Variants in NLGN4X observed in about 807,000 individuals in gnomAD.
NLGN4X encodes the protein neuroligin 4 X-linked, also known as neuroligin-4, X-linked.
NLGN4X carries 3 observed loss-of-function variants against 40.3 expected under a neutral mutation model. That is an observed-to-expected ratio of 0.07 (90% CI 0.03 to 0.19). The LOEUF is 0.19. NLGN4X is among the 10% of genes least tolerant of loss of function. The pLI is 1.00. For missense variants in NLGN4X, 382 were observed against 708.3 expected, an observed-to-expected ratio of 0.54 and a Z score of 5.23; for synonymous variants, 270 against 306.8, an observed-to-expected ratio of 0.88 and a Z score of 1.25.
chrX:6,158,656 A>T (rs1252892363), intron 1 of NLGN4X, among the ~76,000 whole-genome samples: 2 of 112,329 alleles, frequency 1.8e-5, no homozygotes, highest in Non-Finnish European at 3.8e-5. Context: ...TCAACTTTTA[A>T]GTTCCAAGGT....
At chrX:6,067,006 G>A (rs1262832336) in intron 2 of NLGN4X, among the ~76,000 whole-genome samples, 4 of 110,945 alleles carry the variant, frequency 3.6e-5, no homozygotes, top group Non-Finnish European at 5.7e-5. Flanking sequence ...CTACTTGGGA[G>A]GCTGAGGTGA....
rs905368939 is a variant in NLGN4X at position 6,047,431 on chromosome X, A to G, written c.473-17999T>C. ...ACCAAGGCTGCAGCGAGCTACGATC[A>G]TGCTACTGCACTCCAATCTGGGTGA... On this transcript the variant is annotated intron_variant, in intron 2 of 5. Transcript: ENST00000381095. Among the ~76,000 whole-genome samples, 21 of 111,815 alleles carry G rather than the reference A, an allele frequency of 1.9e-4. No homozygotes were observed. In the Admixed American group the frequency reaches 1.9e-3, roughly 10 times the overall value.
chrX:5,937,556 C>T (rs2033773294), intron 3 of NLGN4X, among the ~76,000 whole-genome samples: 1 of 111,544 alleles, frequency 9.0e-6, no homozygotes. Context: ...ACATTTGAGT[C>T]TAGATTATTT....
intron 3 of NLGN4X, among the ~76,000 whole-genome samples, chrX:5,981,687 G>C (rs2035393207): frequency 9.0e-6 from 1 of 110,739 alleles, no homozygotes; most frequent in African/African-American, 3.3e-5. Context: ...CTTTCCTAAT[G>C]TGTCTAGATT....
Position 6,032,580 on chromosome X carries a change from T to G in NLGN4X, c.473-3148A>C. ...ATAATTAAGGAAGCACACCAAAGTG[T>G]ACTAGTTTTAAATAAGGGGAGAAAA... On this transcript the variant is annotated intron_variant, in intron 2 of 5. Coordinates refer to ENST00000381095, the MANE Select transcript of NLGN4X (RefSeq NM_181332.3). 7.5e-5 allele frequency: 32 copies of G among 427,934 alleles called. No homozygotes were observed. In the Middle Eastern group the frequency reaches 2.8e-3, roughly 38 times the overall value. 35.3% of individuals were successfully genotyped at this position (427,934 alleles called of 1,213,427 possible).
intron 4 of NLGN4X, among the ~76,000 whole-genome samples, chrX:5,905,301 GA>G (rs2032114787): frequency 9.0e-6 from 1 of 111,312 alleles, no homozygotes; most frequent in Non-Finnish European, 1.9e-5. Flanking sequence ...GTTGGATAAT[GA>G]AAAAAATCAC....
At chrX:6,042,730 T>TACACACAC (rs1555956845) in intron 2 of NLGN4X, among the ~76,000 whole-genome samples, 371 of 20,142 alleles carry the variant, frequency 0.018, 18 homozygotes, top group African/African-American at 0.026. Flanking sequence ...TATATATATA[T>TACACACAC]ACACACACAC....
chrX:6,198,020 C>T (rs944160569), intron 1 of NLGN4X, among the ~76,000 whole-genome samples: 4 of 108,744 alleles, frequency 3.7e-5, no homozygotes, highest in East Asian at 2.9e-4. Context: ...GCTGTAGTTA[C>T]GCCACTGCAC....
chrX:6,082,956 C>CT (rs1184184483), intron 2 of NLGN4X, among the ~76,000 whole-genome samples: 961 of 45,889 alleles, frequency 0.021, 17 homozygotes, highest in Admixed American at 0.1. Context: ...GCGTTTTTTT[C>CT]TTTTTTTTTT....
chrX:6,011,842 A>G (rs983619602), intron 3 of NLGN4X, among the ~76,000 whole-genome samples: 4 of 111,701 alleles, frequency 3.6e-5, no homozygotes, highest in South Asian at 7.5e-4. Context: ...AAGATAAAAA[A>G]TAACACCATC....
chrX:6,109,301 A>G (rs1248257409), intron 2 of NLGN4X, among the ~76,000 whole-genome samples: 2 of 111,419 alleles, frequency 1.8e-5, no homozygotes, highest in Non-Finnish European at 3.8e-5. Flanking sequence ...CTAATACCCT[A>G]TGTACTGCAT....
At chrX:6,202,948 T>A (rs113887707) in intron 1 of NLGN4X, among the ~76,000 whole-genome samples, 11,168 of 111,707 alleles carry the variant, frequency 0.1, 474 homozygotes, top group South Asian at 0.17. Flanking sequence ...ATCAGTATCA[T>A]CCTTCCAATG....
chrX:5,980,637 C>T (rs2035358631), intron 3 of NLGN4X, among the ~76,000 whole-genome samples: 4 of 108,741 alleles, frequency 3.7e-5, no homozygotes, highest in Non-Finnish European at 7.6e-5. Flanking sequence ...GTTTCCAACA[C>T]CATTTCTTGA....
intron 2 of NLGN4X, among the ~76,000 whole-genome samples, chrX:6,105,261 A>G (rs2039008154): frequency 9.0e-6 from 1 of 110,905 alleles, no homozygotes; most frequent in South Asian, 3.8e-4. Context: ...GGGTTTCACC[A>G]TGTTGGCCAG....
intron 2 of NLGN4X, among the ~76,000 whole-genome samples, chrX:6,048,212 C>T (rs1226187617): frequency 8.9e-6 from 1 of 112,073 alleles, no homozygotes; most frequent in African/African-American, 3.2e-5. Flanking sequence ...GATAATGGAA[C>T]AAGATCTACC....
chrX:6,145,653 C>G (rs1184468385), intron 2 of NLGN4X, among the ~76,000 whole-genome samples: 2 of 111,969 alleles, frequency 1.8e-5, no homozygotes, highest in Admixed American at 9.5e-5. Context: ...TAAATTATAT[C>G]TTGAATTAGA....
chrX:6,126,396 G>T (rs1244339430), intron 2 of NLGN4X, among the ~76,000 whole-genome samples: 2 of 111,071 alleles, frequency 1.8e-5, no homozygotes, highest in East Asian at 5.6e-4. Flanking sequence ...AGTATTGAAA[G>T]GAAAGAGAGA....
chrX:6,121,735 T>G (rs1169393932), intron 2 of NLGN4X, among the ~76,000 whole-genome samples: 1 of 112,562 alleles, frequency 8.9e-6, no homozygotes, highest in African/African-American at 3.2e-5. Flanking sequence ...TTACCTACTT[T>G]GAAGTCGCCA....
rs376611110 is a variant in NLGN4X, at chrX:6,198,945, A to T, written c.-306+29596T>A. 2.7e-5 allele frequency among the ~76,000 whole-genome samples: 3 copies of T among 112,121 alleles called. No homozygotes were observed. The East Asian group carries it at 8.4e-4, about 32-fold the overall frequency. On this transcript the variant is annotated intron_variant, in intron 1 of 5. Coordinates refer to ENST00000381095, the MANE Select transcript of NLGN4X (RefSeq NM_181332.3). Reference sequence around the variant, plus strand: ...ATCTCAGAGGGATTTTTAAGTTAAAAAGAAGTATCTCTAGGATGGTCCATT... The same window carrying T: ...ATCTCAGAGGGATTTTTAAGTTAAATAGAAGTATCTCTAGGATGGTCCATT...
Sources: gnomAD v4.1 joint callset for allele counts (sites outside exome capture counted in the v4.1 genomes callset) on GRCh38, gnomAD v4.1.1 for gene constraint, MANE v1.5 for transcripts, NCBI Gene and HGNC (gene_info 2026-07-23, HGNC 2026-07-21) for gene names.